Variants in PPM1H observed in about 807,000 individuals in gnomAD.
PPM1H encodes the protein protein phosphatase, Mg2+/Mn2+ dependent 1H.
A neutral mutation model predicts 54.9 loss-of-function variants in PPM1H; 27 were observed. That is an observed-to-expected ratio of 0.49 (90% CI 0.36 to 0.68). The LOEUF is 0.68. Ranked by LOEUF, PPM1H falls within the 30% of genes least tolerant of loss-of-function variation. The probability of loss-of-function intolerance (pLI) is 0.00; values close to 1 mark genes in which losing one functional copy is unlikely to be tolerated. For synonymous variants in PPM1H, 305 were observed against 270.8 expected (o/e 1.13, Z -1.24); for missense variants, 596 against 667.8 (o/e 0.89, Z 1.19).
At chr12:62,822,837 G>C (rs2076912649) in intron 2 of PPM1H, among the ~76,000 whole-genome samples, 1 of 152,104 alleles carries the variant, frequency 6.6e-6, no homozygotes, top group Non-Finnish European at 1.5e-5. Flanking sequence ...AAAAGAACTA[G>C]AGAAGCAAGA....
Position 62,934,840 on chromosome 12 carries a change from G to A in PPM1H, c.-104C>T. The A allele has an allele frequency of 8.6e-7, 1 of 1,165,864 alleles. No homozygotes were observed. Among genetic ancestry groups the A allele is most frequent in the South Asian group, 4.2e-5 (1 of 23,642 alleles). 72.2% of individuals were successfully genotyped at this position (1,165,864 alleles called of 1,614,324 possible). On this transcript the variant is annotated 5_prime_UTR_variant, in exon 1 of 10. Transcript: ENST00000228705. This position sits in a 1 kb window ranked among gnomAD's most constrained non-coding sequence, Gnocchi z 4.2. ...CTGCGGTGGGCGCCGGGCGCACGGCGAGTCGGGCCACTGGGACGCGCCGCG... is the reference window on the plus strand; with the variant it reads ...CTGCGGTGGGCGCCGGGCGCACGGCAAGTCGGGCCACTGGGACGCGCCGCG...
chr12:62,779,131 G>T (rs957885605), intron 4 of PPM1H, among the ~76,000 whole-genome samples: 1 of 151,918 alleles, frequency 6.6e-6, no homozygotes, highest in Non-Finnish European at 1.5e-5. Context: ...TCCACCTCCC[G>T]AGTTCAAGCA....
intron 3 of PPM1H, among the ~76,000 whole-genome samples, chr12:62,791,461 AG>A (rs2076700950): frequency 6.6e-6 from 1 of 152,326 alleles, no homozygotes. Context: ...ACGCATATAA[AG>A]TTGATACTAT....
chr12:62,734,110 C>A (rs2076338288), intron 5 of PPM1H, among the ~76,000 whole-genome samples: 1 of 150,772 alleles, frequency 6.6e-6, no homozygotes, highest in African/African-American at 2.4e-5. Context: ...CAGGGAGCAT[C>A]CTTGTGCCTT....
intron 3 of PPM1H, among the ~76,000 whole-genome samples, chr12:62,794,367 CT>C (rs2076719593): frequency 6.6e-6 from 1 of 152,102 alleles, no homozygotes; most frequent in African/African-American, 2.4e-5. Context: ...AAACTATAAA[CT>C]TTGCCCCCTT....
intron 1 of PPM1H, among the ~76,000 whole-genome samples, chr12:62,846,874 C>T (rs1193853584): frequency 6.6e-6 from 1 of 152,206 alleles, no homozygotes; most frequent in Non-Finnish European, 1.5e-5. Flanking sequence ...GGTATCCTAG[C>T]TCTGCCACTG....
intron 1 of PPM1H, among the ~76,000 whole-genome samples, chr12:62,906,272 G>T (rs761151441): frequency 6.6e-6 from 1 of 152,140 alleles, no homozygotes; most frequent in Non-Finnish European, 1.5e-5. Context: ...ACAAACTTAG[G>T]AAAGTAAACA....
chr12:62,682,302 T>C (rs1378884963), intron 8 of PPM1H, among the ~76,000 whole-genome samples: 2 of 152,342 alleles, frequency 1.3e-5, no homozygotes, highest in African/African-American at 4.8e-5. Context: ...CATTTTCCCA[T>C]GTCAGTATGC....
intron 1 of PPM1H, among the ~76,000 whole-genome samples, chr12:62,832,639 C>A (rs1868386046): frequency 6.6e-6 from 1 of 152,098 alleles, no homozygotes; most frequent in Non-Finnish European, 1.5e-5. Flanking sequence ...GACAGATAAT[C>A]TGACTCAGGG....
chr12:62,725,669 C>A lies in PPM1H; in HGVS notation c.955-5380G>T, dbSNP rs549753700. On this transcript the variant is annotated intron_variant, in intron 5 of 9. Coordinates refer to ENST00000228705, the MANE Select transcript of PPM1H (RefSeq NM_020700.2). ...ATTAAATAGATTTGTATGCTTTTCTCTTGTTTATCTTGTCTTTTCTTATGG... is the reference window on the plus strand; with the variant it reads ...ATTAAATAGATTTGTATGCTTTTCTATTGTTTATCTTGTCTTTTCTTATGG... Among the ~76,000 whole-genome samples the A allele has an allele frequency of 1.8e-3, 271 of 152,256 alleles. 1 individual carries two copies. Among genetic ancestry groups the A allele is most frequent in the Middle Eastern group, 0.01 (3 of 294 alleles).
rs564042237 is a variant in PPM1H at position 62,900,059 on chromosome 12, C to T, written c.245+34433G>A. ...ACCCTGATCACAGACTGTCAGCCTCCAATACTGTGAGAAATTTCTGTTGTT... is the reference window on the plus strand; with the variant it reads ...ACCCTGATCACAGACTGTCAGCCTCTAATACTGTGAGAAATTTCTGTTGTT... On this transcript the variant is annotated intron_variant, in intron 1 of 9. Coordinates refer to ENST00000228705, the MANE Select transcript of PPM1H (RefSeq NM_020700.2). 2.8e-3 allele frequency among the ~76,000 whole-genome samples: 428 copies of T among 152,324 alleles called. 1 individual carries two copies. Among genetic ancestry groups the T allele is most frequent in the Middle Eastern group, 0.01 (3 of 294 alleles).
In PPM1H at chr12:62,750,067, CAAAA is replaced by C. The variant is rs10564133; in HGVS notation, c.870-12485_870-12482del. On this transcript the variant is annotated intron_variant, in intron 4 of 9. Coordinates refer to ENST00000228705, the MANE Select transcript of PPM1H (RefSeq NM_020700.2). ...GGTTTTCAAGGTGCATATCATTTCT[CAAAA>C]AAAAAAAAAAAAGAGGTCTATGTGT... is the stretch of plus-strand genomic sequence containing the variant. Among the ~76,000 whole-genome samples the C allele has an allele frequency of 3.8e-3, 550 of 145,186 alleles. 7 individuals carry two copies. Among genetic ancestry groups the C allele is most frequent in the Middle Eastern group, 7.3e-3 (2 of 274 alleles).
In PPM1H at chr12:62,844,368, G is replaced by C. The variant is rs921759714; in HGVS notation, c.246-12089C>G. Among the ~76,000 whole-genome samples, 1 of 152,128 alleles carries C rather than the reference G, an allele frequency of 6.6e-6. No individual in the cohort carries two copies. Among genetic ancestry groups the C allele is most frequent in the South Asian group, 2.1e-4 (1 of 4,826 alleles). On this transcript the variant is annotated intron_variant, in intron 1 of 9. Coordinates refer to ENST00000228705, the MANE Select transcript of PPM1H (RefSeq NM_020700.2). The surrounding 1 kb of genome is among the most constrained non-coding windows in gnomAD (Gnocchi z 5.2). ...CCTGAGGAGAAATAATGTTCTGAGG[G>C]GCAAGGGGGGCGTCTTATCTCTGAT...
Position 62,880,473 on chromosome 12 carries a change from C to A in PPM1H, c.246-48194G>T, listed in dbSNP as rs932102436. The stretch of plus-strand genomic sequence containing the variant: ...ACCCAGCAGGCACTTGAGTTTGCAA[C>A]CCCCAGCCTGGAAGCTGCACCATAA... On this transcript the variant is annotated intron_variant, in intron 1 of 9. Coordinates refer to ENST00000228705, the MANE Select transcript of PPM1H (RefSeq NM_020700.2). Among the ~76,000 whole-genome samples the A allele has an allele frequency of 7.9e-5, 12 of 152,266 alleles. No homozygotes were observed. In the East Asian group the frequency reaches 1.9e-3, roughly 25 times the overall value.
At chr12:62,798,130 A>C (rs923557473) in intron 3 of PPM1H, among the ~76,000 whole-genome samples, 1 of 152,238 alleles carries the variant, frequency 6.6e-6, no homozygotes, top group African/African-American at 2.4e-5. Context: ...AAGAAAAAAA[A>C]CACAGATCAC....
intron 2 of PPM1H, among the ~76,000 whole-genome samples, chr12:62,811,671 G>A (rs1489393974): frequency 6.6e-6 from 1 of 152,106 alleles, no homozygotes; most frequent in East Asian, 1.9e-4. Context: ...GTGATAGTGA[G>A]TTCTCACAAG....
At chr12:62,904,241 A>G (rs1190320397) in intron 1 of PPM1H, among the ~76,000 whole-genome samples, 1 of 148,882 alleles carries the variant, frequency 6.7e-6, no homozygotes, top group Non-Finnish European at 1.5e-5. Context: ...TTCTTCATAA[A>G]TTTTTTTTTT....
intron 8 of PPM1H, among the ~76,000 whole-genome samples, chr12:62,675,604 A>C (rs540137348): frequency 7.2e-5 from 11 of 152,318 alleles, no homozygotes; most frequent in South Asian, 4.1e-4. Context: ...GTGACCATAC[A>C]TCCCTGTTTA....
rs184528779 is a variant in PPM1H, at chr12:62,685,475, C to T, written c.1245+4224G>A. 9.2e-3 allele frequency among the ~76,000 whole-genome samples: 1,408 copies of T among 152,262 alleles called. 48 individuals carry two copies. The highest frequency in any genetic ancestry group is 0.071 in the Admixed American group (1,088 of 15,284). The stretch of plus-strand genomic sequence containing the variant: ...ATTAAATAGACCTGGGTACAAGTAC[C>T]AGCTTGCTACTTATTAACTGTATAA... On this transcript the variant is annotated intron_variant, in intron 8 of 9. Coordinates refer to ENST00000228705, the MANE Select transcript of PPM1H (RefSeq NM_020700.2).
Sources: gnomAD v4.1 joint callset for allele counts (sites outside exome capture counted in the v4.1 genomes callset) on GRCh38, gnomAD v4.1.1 for gene constraint, Gnocchi (gnomAD v3.1) non-coding constraint, MANE v1.5 for transcripts, NCBI Gene and HGNC (gene_info 2026-07-23, HGNC 2026-07-21) for gene names.